CRYBG3: variants seen among roughly 807,000 people sequenced by gnomAD.
The protein encoded by CRYBG3 is crystallin beta-gamma domain containing 3.
In CRYBG3, 127 loss-of-function variants were observed where a neutral mutation model predicts 244.2. The observed-to-expected ratio is 0.52, with a 90% CI of 0.45 to 0.60. CRYBG3 has a LOEUF of 0.60. CRYBG3 is among the 20% of genes least tolerant of loss of function. The probability of loss-of-function intolerance (pLI) is 0.00; values close to 1 mark genes in which losing one functional copy is unlikely to be tolerated. For missense variants in CRYBG3, 3,325 were observed against 3,442.5 expected, an observed-to-expected ratio of 0.97 and a Z score of 0.85; for synonymous variants, 1,132 against 1,195.8, an observed-to-expected ratio of 0.95 and a Z score of 1.10.
chr3:97,919,716 A>T (rs1375116290), intron 17 of CRYBG3, among the ~76,000 whole-genome samples: 3 of 130,350 alleles, frequency 2.3e-5, no homozygotes, highest in African/African-American at 1.1e-4. Flanking sequence ...AAAATGATTA[A>T]AAAAAAAAAA....
Position 97,874,655 on chromosome 3 carries a change from C to CT in CRYBG3, c.3462dup (p.Gly1155TrpfsTer11). 6.5e-7 allele frequency: 1 copy of CT among 1,536,054 alleles called. No individual in the cohort carries two copies. Among genetic ancestry groups the CT allele is most frequent in the South Asian group, 1.2e-5 (1 of 84,062 alleles). On this transcript the variant is annotated frameshift_variant, in exon 4 of 22. Transcript: ENST00000389622. LOFTEE classifies it high-confidence loss of function. ...TTTGACAATCTCGTGGAAGCAGAGA[C>CT]TGGAGCAGTTGCTGGGCCTGCAGCG...
chr3:97,927,903 A>G (rs1232259143), intron 17 of CRYBG3, among the ~76,000 whole-genome samples: 1 of 152,072 alleles, frequency 6.6e-6, no homozygotes, highest in South Asian at 2.1e-4. Context: ...AAGTCAACAA[A>G]TAACAGATGC....
In CRYBG3 at chr3:97,839,204, T is replaced by C. The variant is rs559748492; in HGVS notation, c.150-3991T>C. Reference sequence around the variant, plus strand: ...TTGTGAGCAAACAATAGGAACAGATTGTGGTCTCTCATGAAGCTTGAGGTG... The same window carrying C: ...TTGTGAGCAAACAATAGGAACAGATCGTGGTCTCTCATGAAGCTTGAGGTG... On this transcript the variant is annotated intron_variant, in intron 1 of 21. Transcript: ENST00000389622. Among the ~76,000 whole-genome samples, 5 of 152,274 alleles carry C rather than the reference T, an allele frequency of 3.3e-5. No individual in the cohort carries two copies. The East Asian group carries it at 9.7e-4, about 29-fold the overall frequency.
chr3:97,912,167 C>T lies in CRYBG3; in HGVS notation c.8005C>T (p.Leu2669Phe). ...PLGINEPPHL[L>F]KAFSKPGFQG... ...AACTGTTGTGTTGTTGTTCTTGTAG[C>T]TCAAAGCATTCAGCAAACCAGGGTT... Residue 2669 changes from leucine to phenylalanine, a missense_variant and splice_region_variant, in exon 16 of 22, where the codon CTC becomes TTC. By Grantham distance (22) the Leu-to-Phe change is conservative (BLOSUM62 0). This residue lies in a region of CRYBG3 where 714 missense variants were observed against 803.6 expected (regional missense o/e 0.89). Coordinates refer to ENST00000389622, the MANE Select transcript of CRYBG3 (RefSeq NM_153605.4). The T allele has an allele frequency of 6.4e-7, 1 of 1,568,860 alleles. No individual in the cohort carries two copies. The highest frequency in any genetic ancestry group is 8.7e-7 in the Non-Finnish European group (1 of 1,151,480).
intron 17 of CRYBG3, among the ~76,000 whole-genome samples, chr3:97,921,468 C>A (rs1559744717): frequency 1.3e-5 from 2 of 151,974 alleles, no homozygotes; most frequent in East Asian, 3.9e-4. Context: ...TCATTCATGC[C>A]TAAAAATATA....
rs2039395927 is a variant in CRYBG3 at position 97,877,616 on chromosome 3, A to G, written c.6422A>G (p.Asp2141Gly). The change falls in exon 4 of 22, where the codon GAT (aspartate) becomes GGT (glycine). Residue 2141 changes from aspartate (D) to glycine (G), a missense_variant. Transcript: ENST00000389622. Reference sequence around the variant, plus strand: ...CGTTTAAAGATGAATTTTGATGAAGATGACAGAGAGGCAGCTGATGAGGAA... The same window carrying G: ...CGTTTAAAGATGAATTTTGATGAAGGTGACAGAGAGGCAGCTGATGAGGAA... The part of the protein sequence containing the change: ...SERLKMNFDE[D>G]DREAADEEEE... The G allele has an allele frequency of 1.9e-6, 3 of 1,614,106 alleles. No homozygotes were observed. Among genetic ancestry groups the G allele is most frequent in the Non-Finnish European group, 2.5e-6 (3 of 1,180,006 alleles).
chr3:97,890,823 A>C (rs534214097), intron 10 of CRYBG3, among the ~76,000 whole-genome samples: 1 of 152,288 alleles, frequency 6.6e-6, no homozygotes, highest in African/African-American at 2.4e-5. Flanking sequence ...AATGTGGATA[A>C]ATGCTGTTAT....
intron 17 of CRYBG3, chr3:97,924,345 T>C: frequency 2.3e-6 from 1 of 427,748 alleles, no homozygotes; most frequent in Non-Finnish European, 4.6e-6. Flanking sequence ...TATAGGAATC[T>C]ACCCTGATGA....
At chr3:97,870,650 C>T (rs1472055638) in intron 3 of CRYBG3, among the ~76,000 whole-genome samples, 1 of 152,018 alleles carries the variant, frequency 6.6e-6, no homozygotes, top group African/African-American at 2.4e-5. Context: ...AATTAGAGTT[C>T]AAAATGTAAA....
chr3:97,900,895 ATATTTCTGAGC>A (rs2039699103), intron 15 of CRYBG3, among the ~76,000 whole-genome samples: 4 of 152,222 alleles, frequency 2.6e-5, no homozygotes, highest in Admixed American at 2.6e-4. Flanking sequence ...CTATAATCAA[ATATTTCTGAGC>A]TAGTGAACTT....
At chr3:97,922,317 C>T (rs2039992573) in intron 17 of CRYBG3, among the ~76,000 whole-genome samples, 1 of 152,108 alleles carries the variant, frequency 6.6e-6, no homozygotes, top group African/African-American at 2.4e-5. Flanking sequence ...GCAATGGCAA[C>T]AAAAGCCAAA....
Position 97,875,163 on chromosome 3 carries a change from T to C in CRYBG3, c.3969T>C (p.Asp1323=), listed in dbSNP as rs1429320763. 2.6e-6 allele frequency: 4 copies of C among 1,535,010 alleles called. No individual in the cohort carries two copies. The highest frequency in any genetic ancestry group is 3.5e-6 in the Non-Finnish European group (4 of 1,146,258). ...TAGCCCAAGAAAAATTGAGAAATGA[T>C]ACTTTTGAAGATACTGAGGATACTT... ...IYVAQEKLRN[D]TFEDTEDTWD... is the part of the protein sequence containing the mutation. The change falls in exon 4 of 22, where the codon GAT becomes GAC. Residue 1323 remains aspartate (D), a synonymous_variant. Transcript: ENST00000389622.
At chr3:97,901,661 A>G (rs2039708058) in intron 15 of CRYBG3, among the ~76,000 whole-genome samples, 1 of 152,220 alleles carries the variant, frequency 6.6e-6, no homozygotes. Flanking sequence ...TAGATAGAAG[A>G]AAGAGAAGTT....
rs2040304274 is a variant in CRYBG3, at chr3:97,944,459, G to A, written c.*1145G>A. The A allele has an allele frequency of 6.6e-6, 1 of 152,246 alleles. No individual in the cohort carries two copies. Among genetic ancestry groups the A allele is most frequent in the Non-Finnish European group, 1.5e-5 (1 of 67,868 alleles). The allele number at this position is 152,246 out of a possible 1,614,324, so 9.4% of individuals were successfully genotyped here. On this transcript the variant is annotated 3_prime_UTR_variant, in exon 22 of 22. Transcript: ENST00000389622. ...CAGAAAAATGCTCTATTTTTATAAA[G>A]AAAGATTAAATTCTCCAATGATATT...
intron 2 of CRYBG3, among the ~76,000 whole-genome samples, chr3:97,857,545 A>G (rs757662737): frequency 2.0e-5 from 3 of 151,736 alleles, no homozygotes; most frequent in Non-Finnish European, 4.4e-5. Context: ...TCTTGAGTGC[A>G]TGTAGATTTA....
chr3:97,858,850 T>C (rs192180257), intron 2 of CRYBG3, among the ~76,000 whole-genome samples: 1 of 152,330 alleles, frequency 6.6e-6, no homozygotes, highest in East Asian at 1.9e-4. Context: ...GGAGAATTAC[T>C]GTATTTCTTT....
rs1559728471 is a variant in CRYBG3, at chr3:97,874,799, C to A, written c.3605C>A (p.Thr1202Lys). ...AGTAGTTTACTCAAAAAGGCCGATA[C>A]ATTGATTGGTGAGATTTTTAATTCT... ...LKSSLLKKAD[T>K]LIGEIFNSVR... The change falls in exon 4 of 22, where the codon ACA becomes AAA. Residue 1202 changes from threonine (T) to lysine (K), a missense_variant. Around this residue, in one of 4 missense-constraint regions of CRYBG3, gnomAD observed 1,526 missense variants for 1,443.2 expected, o/e 1.06. Transcript: ENST00000389622. 3.3e-6 allele frequency: 5 copies of A among 1,536,010 alleles called. No individual in the cohort carries two copies. Among genetic ancestry groups the A allele is most frequent in the Non-Finnish European group, 4.4e-6 (5 of 1,146,866 alleles).
intron 12 of CRYBG3, among the ~76,000 whole-genome samples, chr3:97,898,185 A>G (rs1575948443): frequency 6.6e-6 from 1 of 151,328 alleles, no homozygotes; most frequent in South Asian, 2.1e-4. Flanking sequence ...ACACCATTGC[A>G]CTCCAGCCTG....
intron 16 of CRYBG3, 25 bp from the exon 17 acceptor site, chr3:97,915,585 G>T: frequency 1.3e-6 from 2 of 1,594,326 alleles, no homozygotes; most frequent in South Asian, 1.1e-5. Flanking sequence ...CAATTTGATT[G>T]AATGTCTTAC....
Sources: gnomAD v4.1 joint callset for allele counts (sites outside exome capture counted in the v4.1 genomes callset) on GRCh38, gnomAD v4.1.1 for gene constraint, gnomAD v4.1.1 regional missense constraint, MANE v1.5 for transcripts, NCBI Gene and HGNC (gene_info 2026-07-23, HGNC 2026-07-21) for gene names.